FCHO1: variants seen among roughly 807,000 people sequenced by gnomAD.
The protein encoded by FCHO1 is F-BAR domain only protein 1.
FCHO1 carries 45 observed loss-of-function variants against 114.4 expected under a neutral mutation model. The ratio of observed to expected loss-of-function variants is 0.39; its 90% CI spans 0.31 to 0.50. The LOEUF (loss-of-function observed/expected upper bound fraction) is 0.50. FCHO1 is among the 20% of genes least tolerant of loss of function. The pLI is 0.77. For synonymous variants in FCHO1, 480 were observed against 488.9 expected (o/e 0.98, Z 0.24); for missense variants, 1,042 against 1,209.6 (o/e 0.86, Z 2.06).
chr19:17,750,702 A>G (rs922108413), upstream of FCHO1, among the ~76,000 whole-genome samples: 1 of 151,728 alleles, frequency 6.6e-6, no homozygotes, highest in Non-Finnish European at 1.5e-5. Flanking sequence ...CAAGCAATCC[A>G]CCTGCCTCGG....
At position 17,763,553 on chromosome 19, in the gene FCHO1, T is replaced by G. The variant is rs923370431; in HGVS notation, c.119+700T>G. The stretch of plus-strand genomic sequence containing the variant: ...TGGTGGAATTACAGATGTAAGCCAC[T>G]GCACTCTGCCTTTTTTTTTTTTTTT... On this transcript the variant is annotated intron_variant, in intron 5 of 28. Coordinates refer to ENST00000596536, the MANE Select transcript of FCHO1 (RefSeq NM_015122.3). Among the ~76,000 whole-genome samples the G allele has an allele frequency of 6.8e-5, 10 of 146,028 alleles. No individual in the cohort carries two copies. In the South Asian group the frequency reaches 2.2e-3, roughly 32 times the overall value.
At chr19:17,761,641 T>C (rs2086257896) in intron 4 of FCHO1, among the ~76,000 whole-genome samples, 1 of 149,350 alleles carries the variant, frequency 6.7e-6, no homozygotes, top group Non-Finnish European at 1.5e-5. Context: ...TACATATATA[T>C]ATATATATAT....
upstream of FCHO1, chr19:17,751,464 C>G (rs983739806): frequency 1.3e-5 from 2 of 152,360 alleles, no homozygotes; most frequent in Non-Finnish European, 2.9e-5. This position sits in a 1 kb window ranked among gnomAD's most constrained non-coding sequence, Gnocchi z 4.4. Flanking sequence ...CCTGTCCCCC[C>G]CCCAACCCAT....
intron 7 of FCHO1, among the ~76,000 whole-genome samples, chr19:17,769,618 CACACACACACACACA>C: frequency 8.4e-6 from 1 of 119,386 alleles, no homozygotes. Flanking sequence ...CACACACACA[CACACACACACACACA>C]AAACGGTGAG....
rs1041092287 is a variant in FCHO1 at position 17,784,664 on chromosome 19, A to G, written c.2227-61A>G. ...CAGGGTCAAGGTGGTTGAATAGCGC[A>G]TGGTGTGGCAAGACAGGATGGCCCA... is the stretch of plus-strand genomic sequence containing the variant. On this transcript the variant is annotated intron_variant, in intron 25 of 28. Transcript: ENST00000596536. This position sits in a 1 kb window ranked among gnomAD's most constrained non-coding sequence, Gnocchi z 5.3. 6 of 1,517,092 alleles carry G rather than the reference A, an allele frequency of 4.0e-6. No individual in the cohort carries two copies. In the Admixed American group the frequency reaches 6.7e-5, roughly 17 times the overall value. The allele number at this position is 1,517,092 out of a possible 1,614,324, so 94.0% of individuals were successfully genotyped here.
At chr19:17,772,863 A>G (rs2091935283) in intron 11 of FCHO1, 122 bp downstream of exon 11, 1 of 698,022 alleles carries the variant, frequency 1.4e-6, no homozygotes, top group Admixed American at 2.6e-5. Flanking sequence ...AGGTTTCACC[A>G]TGTTGGCCAG....
intron 28 of FCHO1, 95 bp from the exon 29 acceptor site, chr19:17,788,189 G>A: frequency 1.1e-6 from 1 of 932,892 alleles, no homozygotes; most frequent in Non-Finnish European, 1.7e-6. Context: ...TTTTGAAGAG[G>A]ACAAGGATGA....
At chr19:17,757,182 TAAAA>T (rs768156240) in intron 4 of FCHO1, among the ~76,000 whole-genome samples, 21 of 83,356 alleles carry the variant, frequency 2.5e-4, no homozygotes, top group Admixed American at 2.2e-3. Flanking sequence ...AGACTCCGTC[TAAAA>T]AAAAAAAAAA....
chr19:17,772,439 T>C lies in FCHO1; in HGVS notation c.595-18T>C. The C allele has an allele frequency of 6.2e-7, 1 of 1,607,838 alleles. No homozygotes were observed. Among genetic ancestry groups the C allele is most frequent in the African/African-American group, 1.3e-5 (1 of 74,882 alleles). ...GGCCCTGACCTCCTTTCCACCTGCC[T>C]CTGCCCTCCTGCTTCAGCGCTTCCA... is the stretch of plus-strand genomic sequence containing the variant. On this transcript the variant is annotated intron_variant, in intron 9 of 28. Transcript: ENST00000596536.
intron 6 of FCHO1, among the ~76,000 whole-genome samples, chr19:17,765,311 G>A (rs995786121): frequency 2.6e-5 from 4 of 152,118 alleles, no homozygotes; most frequent in African/African-American, 9.7e-5. Context: ...CTTGGGCAAC[G>A]TGGAAAGGAA....
rs1422977786 is a variant in FCHO1 at position 17,778,148 on chromosome 19, G to T, written c.1271G>T (p.Arg424Ile). 6.2e-7 allele frequency: 1 copy of T among 1,613,842 alleles called. No individual in the cohort carries two copies. Among genetic ancestry groups the T allele is most frequent in the East Asian group, 2.2e-5 (1 of 44,886 alleles). Residue 424 changes from arginine to isoleucine, a missense_variant, in exon 19 of 29, where the codon AGA (arginine) becomes ATA (isoleucine). Transcript: ENST00000596536. ...SAPRTSSCAE[R>I]LQSEEQVSKN... Reference sequence around the variant, plus strand: ...CTCACCCTCTCTAGCTGTGCAGAGAGATTGCAGTCAGAGGAGCAGGTGTCC... The same window carrying T: ...CTCACCCTCTCTAGCTGTGCAGAGATATTGCAGTCAGAGGAGCAGGTGTCC...
In FCHO1 at chr19:17,767,984, T is replaced by A. The variant is rs79231308; in HGVS notation, c.336+1174T>A. ...AAGCTTATAATTGTAGAATCATAGA[T>A]GCATTGTCTTTACAGAGTTCCAAAA... On this transcript the variant is annotated intron_variant, in intron 7 of 28. Transcript: ENST00000596536. Among the ~76,000 whole-genome samples, 4 of 152,350 alleles carry A rather than the reference T, an allele frequency of 2.6e-5. No homozygotes were observed. In the East Asian group the frequency reaches 7.7e-4, roughly 29 times the overall value.
At chr19:17,781,161 T>C in intron 20 of FCHO1, 70 bp from the exon 21 acceptor site, 3 of 1,117,436 alleles carry the variant, frequency 2.7e-6, no homozygotes, top group Non-Finnish European at 3.9e-6. Context: ...TTGGCTGAGT[T>C]TGTGCCCCTG....
In FCHO1 at chr19:17,784,059, G is replaced by A. The variant is rs777142432; in HGVS notation, c.2094-44G>A. The A allele has an allele frequency of 6.3e-6, 10 of 1,585,090 alleles. No homozygotes were observed. The highest frequency in any genetic ancestry group is 1.1e-5 in the South Asian group (1 of 88,892). ...AGATTGAATGCTGGGAGCCCTGGGA[G>A]GGCATGTCCCGAGGATTGGGGTGAT... On this transcript the variant is annotated intron_variant, in intron 24 of 28. Transcript: ENST00000596536. This position sits in a 1 kb window ranked among gnomAD's most constrained non-coding sequence, Gnocchi z 5.3.
rs1052930330 is a variant in FCHO1, at chr19:17,751,564, C to A, written c.-196C>A. The A allele has an allele frequency of 6.6e-6, 1 of 152,518 alleles. No individual in the cohort carries two copies. Among genetic ancestry groups the A allele is most frequent in the African/African-American group, 2.4e-5 (1 of 41,460 alleles). The allele number at this position is 152,518 out of a possible 1,614,324, so 9.4% of individuals were successfully genotyped here. On this transcript the variant is annotated 5_prime_UTR_variant, in exon 1 of 29. Transcript: ENST00000596536. This position sits in a 1 kb window ranked among gnomAD's most constrained non-coding sequence, Gnocchi z 4.4. Reference sequence around the variant, plus strand: ...CGTCAGACAGGGGCCCCATCCCACTCGCTACCCTGTCCGGTGAGTTTGAGC... The same window carrying A: ...CGTCAGACAGGGGCCCCATCCCACTAGCTACCCTGTCCGGTGAGTTTGAGC...
At chr19:17,762,967 C>T in intron 5 of FCHO1, 114 bp downstream of exon 5, 2 of 695,916 alleles carry the variant, frequency 2.9e-6, no homozygotes, top group Non-Finnish European at 5.0e-6. Context: ...ATTCCAGGAA[C>T]CAGAGGGGCT....
chr19:17,772,501 A>T lies in FCHO1; in HGVS notation c.639A>T (p.Ala213=). 1 of 1,613,988 alleles carries T rather than the reference A, an allele frequency of 6.2e-7. No homozygotes were observed. The highest frequency in any genetic ancestry group is 8.5e-7 in the Non-Finnish European group (1 of 1,179,988). ...AGACACACCTGAGGCACATGAAGGC[A>T]CTGCTGGGCTCATATGCTCACTCGG... ...MEETHLRHMK[A]LLGSYAHSVE... Residue 213 remains alanine, a synonymous_variant, in exon 10 of 29, where the codon GCA becomes GCT. Transcript: ENST00000596536.
rs763259693 is a variant in FCHO1 at position 17,784,902 on chromosome 19, C to A, written c.2404C>A (p.Arg802Ser). The change falls in exon 26 of 29, where the codon CGC becomes AGC. Residue 802 changes from arginine (R) to serine (S), a missense_variant. By Grantham distance (110) the Arg-to-Ser change is moderately radical. Around this residue, in one of 3 missense-constraint regions of FCHO1, gnomAD observed 137 missense variants for 190.0 expected, o/e 0.72. Transcript: ENST00000596536. This position sits in a 1 kb window ranked among gnomAD's most constrained non-coding sequence, Gnocchi z 5.3. ...LPVGEPVTNV[R>S]LQPAATWNLE... ...TGTGGGGGAGCCTGTGACCAACGTCCGCTTGCAGCCGGCTGCCACCTGGTG... is the reference window on the plus strand; with the variant it reads ...TGTGGGGGAGCCTGTGACCAACGTCAGCTTGCAGCCGGCTGCCACCTGGTG... 6.2e-7 allele frequency: 1 copy of A among 1,612,322 alleles called. No homozygotes were observed. The highest frequency in any genetic ancestry group is 8.5e-7 in the Non-Finnish European group (1 of 1,180,016).
intron 27 of FCHO1, 50 bp downstream of exon 27, chr19:17,786,679 TG>T: frequency 6.4e-7 from 1 of 1,562,292 alleles, no homozygotes. Context: ...TGGGGTCAGG[TG>T]GGAGGCACTT....
Sources: allele counts gnomAD v4.1 joint callset (sites outside exome capture counted in the v4.1 genomes callset), GRCh38; gene constraint gnomAD v4.1.1; regional missense constraint gnomAD v4.1.1; non-coding constraint Gnocchi (gnomAD v3.1); transcripts MANE v1.5; gene names NCBI Gene and HGNC (gene_info 2026-07-23, HGNC 2026-07-21).